ASAP1: variants seen among roughly 807,000 people sequenced by gnomAD.
ASAP1 encodes arf-GAP with SH3 domain, ANK repeat and PH domain-containing protein 1.
A neutral mutation model predicts 145.2 loss-of-function variants in ASAP1; 43 were observed. The observed-to-expected ratio is 0.30, with a 90% CI of 0.23 to 0.38. ASAP1 has a LOEUF of 0.38. Ranked by LOEUF, ASAP1 falls within the 10% of genes least tolerant of loss-of-function variation. ASAP1 has a pLI of 1.00. For missense variants in ASAP1, 1,018 were observed against 1,355.3 expected, an observed-to-expected ratio of 0.75 and a Z score of 3.91; for synonymous variants, 546 against 515.5, an observed-to-expected ratio of 1.06 and a Z score of -0.80.
At chr8:130,302,393 T>C (rs182443788) in intron 3 of ASAP1, among the ~76,000 whole-genome samples, 1 of 152,126 alleles carries the variant, frequency 6.6e-6, no homozygotes, top group Non-Finnish European at 1.5e-5. Flanking sequence ...TGAACAGCTA[T>C]CTCAAAGGCA....
intron 11 of ASAP1, among the ~76,000 whole-genome samples, chr8:130,165,242 T>C (rs2097677651): frequency 6.6e-6 from 1 of 152,202 alleles, no homozygotes; most frequent in Non-Finnish European, 1.5e-5. Context: ...GTCCTCCTCT[T>C]TATTTTTCAA....
At chr8:130,249,622 T>C (rs1412032273) in intron 3 of ASAP1, among the ~76,000 whole-genome samples, 1 of 152,188 alleles carries the variant, frequency 6.6e-6, no homozygotes, top group African/African-American at 2.4e-5. Context: ...TCACTAGTGC[T>C]ATGAGAGCAC....
chr8:130,138,494 A>T (rs2097600727), intron 13 of ASAP1, among the ~76,000 whole-genome samples: 1 of 152,146 alleles, frequency 6.6e-6, no homozygotes, highest in African/African-American at 2.4e-5. Flanking sequence ...CTTGTCACCA[A>T]ACCTAGAAGG....
At chr8:130,426,223 C>T (rs912902509) in intron 1 of ASAP1, among the ~76,000 whole-genome samples, 4 of 152,086 alleles carry the variant, frequency 2.6e-5, no homozygotes, top group Admixed American at 2.0e-4. Flanking sequence ...TCTCCTGCTC[C>T]GCCATGTAAG....
chr8:130,418,235 T>C (rs1052568712), intron 1 of ASAP1, among the ~76,000 whole-genome samples: 1 of 152,226 alleles, frequency 6.6e-6, no homozygotes, highest in Non-Finnish European at 1.5e-5. Flanking sequence ...ATAATTCACA[T>C]ACAATTAATC....
intron 1 of ASAP1, among the ~76,000 whole-genome samples, chr8:130,426,503 G>A (rs1345001790): frequency 1.3e-5 from 2 of 151,588 alleles, no homozygotes; most frequent in South Asian, 4.2e-4. Flanking sequence ...AAAAGCTAAA[G>A]TCCACAAAAT....
At chr8:130,338,990 T>C (rs1255568129) in intron 3 of ASAP1, among the ~76,000 whole-genome samples, 2 of 152,174 alleles carry the variant, frequency 1.3e-5, no homozygotes, top group Non-Finnish European at 1.5e-5. Flanking sequence ...TGGGCACTAA[T>C]GAGCAGCTTA....
intron 27 of ASAP1, among the ~76,000 whole-genome samples, chr8:130,061,364 G>A (rs2097419172): frequency 6.6e-6 from 1 of 152,216 alleles, no homozygotes; most frequent in South Asian, 2.1e-4. Flanking sequence ...AAAGTACAGA[G>A]TTCTTAAGCC....
chr8:130,226,236 T>C (rs1181206638), intron 4 of ASAP1, among the ~76,000 whole-genome samples: 1 of 152,118 alleles, frequency 6.6e-6, no homozygotes, highest in African/African-American at 2.4e-5. Context: ...AAAAACTTAG[T>C]GCCACCTGTC....
At chr8:130,360,394 G>A (rs1205811280) in intron 2 of ASAP1, among the ~76,000 whole-genome samples, 3 of 152,208 alleles carry the variant, frequency 2.0e-5, no homozygotes, top group African/African-American at 7.2e-5. Context: ...GTTATGTTGA[G>A]TTCACTGATG....
chr8:130,436,380 G>A lies in ASAP1; in HGVS notation c.-28+7080C>T, dbSNP rs146829713. 5.7e-4 allele frequency among the ~76,000 whole-genome samples: 87 copies of A among 152,150 alleles called. 2 individuals are homozygous for A. The East Asian group carries it at 0.014, about 24-fold the overall frequency. On this transcript the variant is annotated intron_variant, in intron 1 of 29. Transcript: ENST00000518721. ...CACAATCTTGGTTCACTGCAGCCTC[G>A]ACCTCCCTGGGCTCAAACAATCCTC...
At position 130,262,416 on chromosome 8, in the gene ASAP1, AAGAGAGAGAGAG is replaced by A. The variant is rs71513089; in HGVS notation, c.187-25434_187-25423del. 8.1e-3 allele frequency among the ~76,000 whole-genome samples: 469 copies of A among 57,844 alleles called. 5 individuals carry two copies. The highest frequency in any genetic ancestry group is 0.026 in the African/African-American group (387 of 14,736). The allele number at this position is 57,844 out of a possible 152,430, so 37.9% of individuals were successfully genotyped here. ...TCAAAAAAAAAAAAAAAAAAAAAAA[AAGAGAGAGAGAG>A]AGAGAGAGAGAGAGAGAGAGAGAGA... On this transcript the variant is annotated intron_variant, in intron 3 of 29. Transcript: ENST00000518721.
chr8:130,432,007 AAG>A (rs1055124845), intron 1 of ASAP1, among the ~76,000 whole-genome samples: 17 of 101,752 alleles, frequency 1.7e-4, no homozygotes, highest in African/African-American at 2.7e-4. Flanking sequence ...AGGGAGGAGA[AAG>A]GGGAAAATGG....
intron 3 of ASAP1, among the ~76,000 whole-genome samples, chr8:130,345,974 G>T (rs1825681458): frequency 6.6e-6 from 1 of 152,138 alleles, no homozygotes; most frequent in African/African-American, 2.4e-5. Context: ...AGTAACTGTG[G>T]GTTTTTCCAA....
intron 3 of ASAP1, among the ~76,000 whole-genome samples, chr8:130,242,577 C>T (rs916320824): frequency 6.6e-6 from 1 of 151,992 alleles, no homozygotes; most frequent in Non-Finnish European, 1.5e-5. Flanking sequence ...TTTAGGGATG[C>T]CTAATTAACA....
chr8:130,431,314 C>T (rs569025639), intron 1 of ASAP1, among the ~76,000 whole-genome samples: 1 of 152,324 alleles, frequency 6.6e-6, no homozygotes, highest in South Asian at 2.1e-4. Context: ...CATGACCCCC[C>T]TGCCTTAAGC....
intron 3 of ASAP1, among the ~76,000 whole-genome samples, chr8:130,266,592 C>T (rs1476199486): frequency 8.6e-5 from 13 of 151,886 alleles, no homozygotes; most frequent in African/African-American, 2.7e-4. Context: ...CTCCTGATAA[C>T]GAGATTACCT....
In ASAP1 at chr8:130,145,442, C is replaced by T. The variant is rs563789079; in HGVS notation, c.1080+7294G>A. 5.3e-5 allele frequency among the ~76,000 whole-genome samples: 8 copies of T among 152,138 alleles called. No homozygotes were observed. The East Asian group carries it at 5.8e-4, about 11-fold the overall frequency. On this transcript the variant is annotated intron_variant, in intron 13 of 29. Transcript: ENST00000518721. Reference sequence around the variant, plus strand: ...AAGCGATTCTCCTGCCTCAGCCTCCCGAGTAGCTGGGATTACAGGCACGCG... The same window carrying T: ...AAGCGATTCTCCTGCCTCAGCCTCCTGAGTAGCTGGGATTACAGGCACGCG...
chr8:130,295,170 C>A (rs983770708), intron 3 of ASAP1, among the ~76,000 whole-genome samples: 3 of 151,992 alleles, frequency 2.0e-5, no homozygotes, highest in Non-Finnish European at 4.4e-5. Flanking sequence ...GGAGTCCTAG[C>A]TACTTGGGAG....
Sources: allele counts gnomAD v4.1 joint callset (sites outside exome capture counted in the v4.1 genomes callset), GRCh38; gene constraint gnomAD v4.1.1; transcripts MANE v1.5; gene names NCBI Gene and HGNC (gene_info 2026-07-23, HGNC 2026-07-21).